PIK3CD: variants seen among roughly 807,000 people sequenced by gnomAD.
The protein encoded by PIK3CD is phosphatidylinositol-4,5-bisphosphate 3-kinase catalytic subunit delta.
Under a neutral mutation model 122.9 loss-of-function variants are expected in PIK3CD, and 20 were observed. The ratio of observed to expected loss-of-function variants is 0.16; its 90% CI spans 0.11 to 0.24. The LOEUF (loss-of-function observed/expected upper bound fraction) is 0.24, where lower values mean the gene tolerates loss of function less well. Ranked by LOEUF, PIK3CD falls within the 10% of genes least tolerant of loss-of-function variation. The pLI is 1.00. For synonymous variants in PIK3CD, 596 were observed against 593.4 expected, an observed-to-expected ratio of 1.00 and a Z score of -0.06; for missense variants, 787 against 1,406.3, an observed-to-expected ratio of 0.56 and a Z score of 7.04.
rs575646494 is a variant in PIK3CD, at chr1:9,685,528, C to T, written c.-137-5939C>T. 4.4e-4 allele frequency among the ~76,000 whole-genome samples: 67 copies of T among 151,858 alleles called. 1 individual carries two copies. The Middle Eastern group carries it at 0.02, about 46-fold the overall frequency. The stretch of plus-strand genomic sequence containing the variant: ...CATGCACCACCACACCTGGCTAATT[C>T]TTGTATTTTTAGTAGAGATGGGGTT... On this transcript the variant is annotated intron_variant, in intron 1 of 23. Coordinates refer to ENST00000377346, the MANE Select transcript of PIK3CD (RefSeq NM_005026.5).
At chr1:9,680,195 C>T (rs1045741420) in intron 1 of PIK3CD, among the ~76,000 whole-genome samples, 14 of 151,202 alleles carry the variant, frequency 9.3e-5, no homozygotes, top group African/African-American at 3.4e-4. Flanking sequence ...AGGCTGGTTT[C>T]AAACTCTTGG....
intron 1 of PIK3CD, among the ~76,000 whole-genome samples, chr1:9,667,924 T>G (rs1237085971): frequency 6.8e-6 from 1 of 146,590 alleles, no homozygotes; most frequent in Non-Finnish European, 1.5e-5. Flanking sequence ...TTTTTTTTTT[T>G]TTTTTTTTAG....
At chr1:9,631,039 G>A in the PIK3CD span, among the ~76,000 whole-genome samples, 1 of 152,148 alleles carries the variant, frequency 6.6e-6, no homozygotes, top group Non-Finnish European at 1.5e-5. Context: ...TTTCGCTCAA[G>A]CAGGAAAGGG....
rs574915550 is a variant in PIK3CD at position 9,727,256 on chromosome 1, G to A, written c.*210G>A. The A allele has an allele frequency of 6.5e-4, 395 of 610,032 alleles. 1 individual carries two copies. The highest frequency in any genetic ancestry group is 4.4e-3 in the East Asian group (152 of 34,826). The allele number at this position is 610,032 out of a possible 1,614,324, so 37.8% of individuals were successfully genotyped here. A position where few individuals can be genotyped will look rare whatever the true frequency, so the allele number is the denominator to read the frequency against. On this transcript the variant is annotated 3_prime_UTR_variant, in exon 24 of 24. Transcript: ENST00000377346. ...AACGGAAACGCCTCCTTCATGCAGC[G>A]GCGGTGCTGGGCCCCCCGAGGCTGC... is the stretch of plus-strand genomic sequence containing the variant.
chr1:9,716,352 C>A, intron 5 of PIK3CD, 88 bp from the exon 6 acceptor site: 1 of 1,305,798 alleles, frequency 7.7e-7, no homozygotes, highest in Non-Finnish European at 1.1e-6. Context: ...CAGACCCTAC[C>A]CTTGGGGGCA....
chr1:9,720,460 T>G lies in PIK3CD; in HGVS notation c.1471-151T>G, dbSNP rs1648357734. 6.9e-7 allele frequency: 1 copy of G among 1,457,772 alleles called. No individual in the cohort carries two copies. Among genetic ancestry groups the G allele is most frequent in the African/African-American group, 1.4e-5 (1 of 70,702 alleles). 90.3% of individuals were successfully genotyped at this position (1,457,772 alleles called of 1,614,324 possible). A position where few individuals can be genotyped will look rare whatever the true frequency, so the allele number is the denominator to read the frequency against. On this transcript the variant is annotated intron_variant, in intron 11 of 23. Transcript: ENST00000377346. This position sits in a 1 kb window ranked among gnomAD's most constrained non-coding sequence, Gnocchi z 9.0. ...TGCCAGGAGGGATGCTCTTGGCATC[T>G]CGTGAGTGGAGGCCAGAGCTGCTGT...
At chr1:9,635,030 G>A in the PIK3CD span, among the ~76,000 whole-genome samples, 17 of 152,226 alleles carry the variant, frequency 1.1e-4, no homozygotes, top group Middle Eastern at 3.4e-3. Flanking sequence ...GGTGGCTCAC[G>A]CCTGTAATCC....
chr1:9,680,849 G>T (rs1166691352), intron 1 of PIK3CD: 2 of 152,206 alleles, frequency 1.3e-5, no homozygotes, highest in Non-Finnish European at 2.9e-5. Flanking sequence ...TTGGCAGACT[G>T]AACAGCAAGC....
chr1:9,633,484 T>A, the PIK3CD span, among the ~76,000 whole-genome samples: 1 of 152,094 alleles, frequency 6.6e-6, no homozygotes, highest in Non-Finnish European at 1.5e-5. Context: ...ATTTTTTGTA[T>A]TTTTAGTAGA....
intron 1 of PIK3CD, among the ~76,000 whole-genome samples, chr1:9,676,300 C>T (rs973107589): frequency 6.6e-6 from 1 of 152,136 alleles, no homozygotes; most frequent in East Asian, 1.9e-4. Flanking sequence ...GTCTCAAACT[C>T]CTGGGCTCAA....
intron 2 of PIK3CD, among the ~76,000 whole-genome samples, chr1:9,695,613 G>A (rs1468259823): frequency 6.6e-6 from 1 of 152,180 alleles, no homozygotes; most frequent in East Asian, 1.9e-4. Context: ...GGAGGCCGAG[G>A]CGGGCAGATC....
At chr1:9,642,274 A>G in the PIK3CD span, among the ~76,000 whole-genome samples, 1 of 151,580 alleles carries the variant, frequency 6.6e-6, no homozygotes, top group Non-Finnish European at 1.5e-5. Context: ...CACCATGCCC[A>G]GCTAATTTTT....
Position 9,667,623 on chromosome 1 carries a change from G to A in PIK3CD, c.-138+15821G>A, listed in dbSNP as rs934492909. On this transcript the variant is annotated intron_variant, in intron 1 of 23. Coordinates refer to ENST00000377346, the MANE Select transcript of PIK3CD (RefSeq NM_005026.5). ...CATCTCCTGAACTCGTGATCTGCCC[G>A]CCTCGGCCTCCGAAAGTGCTAGGAT... Among the ~76,000 whole-genome samples the A allele has an allele frequency of 4.6e-5, 7 of 152,012 alleles. No homozygotes were observed. In the East Asian group the frequency reaches 5.8e-4, roughly 13 times the overall value.
chr1:9,644,466 C>T, the PIK3CD span, among the ~76,000 whole-genome samples: 13 of 150,316 alleles, frequency 8.6e-5, no homozygotes, highest in African/African-American at 2.0e-4. Flanking sequence ...TGCAGTGAGC[C>T]GAGATCTCAC....
Position 9,652,348 on chromosome 1 carries a change from G to C in PIK3CD, c.-138+546G>C, listed in dbSNP as rs560053983. ...GTTCGCCGGCGCCCGGGTCCTGTGCGCCCTTCCCAGCCTGGGCAAGTGGGG... is the reference window on the plus strand; with the variant it reads ...GTTCGCCGGCGCCCGGGTCCTGTGCCCCCTTCCCAGCCTGGGCAAGTGGGG... On this transcript the variant is annotated intron_variant, in intron 1 of 23. Transcript: ENST00000377346. This position sits in a 1 kb window ranked among gnomAD's most constrained non-coding sequence, Gnocchi z 6.2. Among the ~76,000 whole-genome samples, 4 of 152,270 alleles carry C rather than the reference G, an allele frequency of 2.6e-5. No homozygotes were observed. The highest frequency in any genetic ancestry group is 9.6e-5 in the African/African-American group (4 of 41,576).
intron 2 of PIK3CD, among the ~76,000 whole-genome samples, chr1:9,703,473 T>G (rs1646722835): frequency 6.6e-6 from 1 of 152,106 alleles, no homozygotes; most frequent in Admixed American, 6.6e-5. Context: ...AACGTAAAGT[T>G]ACTAGCACCC....
intron 1 of PIK3CD, chr1:9,654,085 C>T: frequency 8.4e-7 from 1 of 1,186,382 alleles, no homozygotes; most frequent in Non-Finnish European, 1.1e-6. Context: ...AAACATAATA[C>T]AACAACCCAG....
rs1041912226 is a variant in PIK3CD at position 9,710,650 on chromosome 1, G to GAGAA, written c.141+57_141+58insAAGA. 1.4e-5 allele frequency: 22 copies of GAGAA among 1,583,518 alleles called. No homozygotes were observed. Among genetic ancestry groups the GAGAA allele is most frequent in the Non-Finnish European group, 1.8e-5 (21 of 1,153,100 alleles). Reference sequence around the variant, plus strand: ...TGGTGCTCAGAGAGAGAGAGAGAGAGAGAGACACAGATAGACAGACAGACA... The same window carrying GAGAA: ...TGGTGCTCAGAGAGAGAGAGAGAGAGAGAAAGAGACACAGATAGACAGACAGACA... On this transcript the variant is annotated intron_variant, in intron 3 of 23. Coordinates refer to ENST00000377346, the MANE Select transcript of PIK3CD (RefSeq NM_005026.5). This position sits in a 1 kb window ranked among gnomAD's most constrained non-coding sequence, Gnocchi z 4.7.
At chr1:9,676,798 G>A (rs573789967) in intron 1 of PIK3CD, among the ~76,000 whole-genome samples, 1 of 152,186 alleles carries the variant, frequency 6.6e-6, no homozygotes, top group Non-Finnish European at 1.5e-5. Context: ...TGGACATCAG[G>A]TGCCTAGTCA....
Sources: gnomAD v4.1 joint callset for allele counts (sites outside exome capture counted in the v4.1 genomes callset) on GRCh38, gnomAD v4.1.1 for gene constraint, Gnocchi (gnomAD v3.1) non-coding constraint, MANE v1.5 for transcripts, NCBI Gene and HGNC (gene_info 2026-07-23, HGNC 2026-07-21) for gene names.